ANKRD11: variants seen among roughly 807,000 people sequenced by gnomAD.
ANKRD11 encodes the protein ankyrin repeat domain 11.
ANKRD11 carries 17 observed loss-of-function variants against 195.7 expected under a neutral mutation model. The observed-to-expected ratio is 0.09, with a 90% CI of 0.06 to 0.13. The LOEUF is 0.13. Among genes scored for constraint, ANKRD11 ranks in the 10% least tolerant of loss-of-function variants. The pLI is 1.00. For synonymous variants in ANKRD11, 1,953 were observed against 1,528.1 expected (o/e 1.28, Z -6.49); for missense variants, 3,735 against 3,566.1 (o/e 1.05, Z -1.21).
At chr16:89,462,557 G>A (rs1427150082) in intron 1 of ANKRD11, among the ~76,000 whole-genome samples, 2 of 150,302 alleles carry the variant, frequency 1.3e-5, no homozygotes, top group African/African-American at 2.5e-5. Context: ...GAGCCCCTCT[G>A]CCTGGCTGCC....
chr16:89,326,407 C>A (rs1480843548), intron 2 of ANKRD11, among the ~76,000 whole-genome samples: 1 of 151,328 alleles, frequency 6.6e-6, no homozygotes, highest in Non-Finnish European at 1.5e-5. Flanking sequence ...AGAAGGTGCA[C>A]ACCACTCAGC....
At chr16:89,413,291 T>C (rs2042168972) in intron 2 of ANKRD11, among the ~76,000 whole-genome samples, 1 of 152,228 alleles carries the variant, frequency 6.6e-6, no homozygotes, top group Admixed American at 6.5e-5. Context: ...AATGGAAGTA[T>C]GGTGTTACCT....
At position 89,285,069 on chromosome 16, in the gene ANKRD11, A is replaced by C; in HGVS notation, c.1473T>G (p.Asp491Glu). ...CAGAGCTCCCCAGAGAGTCCCTGTC[A>C]TCCTCCCCACTCTCTGAGGACTCGC... is the stretch of plus-strand genomic sequence containing the variant. Reference protein sequence around the residue: ...SESESSESGEDDRDSLGSSGC... With the variant: ...SESESSESGEEDRDSLGSSGC... The change falls in exon 9 of 13, where the codon GAT becomes GAG. Residue 491 changes from aspartate to glutamate, a missense_variant. By Grantham distance (45) the Asp-to-Glu change is conservative (BLOSUM62 2). Coordinates refer to ENST00000301030, the MANE Select transcript of ANKRD11 (RefSeq NM_013275.6). This position sits in a 1 kb window ranked among gnomAD's most constrained non-coding sequence, Gnocchi z 5.6. 2 of 1,613,822 alleles carry C rather than the reference A, an allele frequency of 1.2e-6. No individual in the cohort carries two copies. Among genetic ancestry groups the C allele is most frequent in the South Asian group, 2.2e-5 (2 of 91,084 alleles).
intron 2 of ANKRD11, among the ~76,000 whole-genome samples, chr16:89,361,844 CAA>C (rs559407301): frequency 6.6e-6 from 1 of 151,912 alleles, no homozygotes; most frequent in African/African-American, 2.4e-5. Context: ...ACAAAACAAA[CAA>C]AAAAAATCCG....
At chr16:89,286,611 A>G (rs982644407) in intron 7 of ANKRD11, 6 of 1,156,700 alleles carry the variant, frequency 5.2e-6, no homozygotes, top group African/African-American at 1.6e-5. Context: ...TAGGGAGAAG[A>G]GTGTTATGGA....
At chr16:89,402,009 G>A (rs2041712909) in intron 2 of ANKRD11, among the ~76,000 whole-genome samples, 1 of 151,228 alleles carries the variant, frequency 6.6e-6, no homozygotes, top group Non-Finnish European at 1.5e-5. Flanking sequence ...AGCCGTGGGA[G>A]AACAGATCCT....
intron 7 of ANKRD11, 194 bp downstream of exon 7, chr16:89,288,334 G>T: frequency 1.2e-6 from 1 of 860,576 alleles, no homozygotes; most frequent in Non-Finnish European, 1.9e-6. Context: ...CCTGTGAGAG[G>T]CCGTCCAGGC....
chr16:89,398,725 CAG>C (rs1242166841), intron 2 of ANKRD11, among the ~76,000 whole-genome samples: 1 of 151,798 alleles, frequency 6.6e-6, no homozygotes, highest in African/African-American at 2.4e-5. Context: ...GCCTCAGTGA[CAG>C]AGAGAGATTG....
Position 89,284,350 on chromosome 16 carries a change from G to A in ANKRD11, c.2192C>T (p.Ser731Phe). The A allele has an allele frequency of 6.2e-7, 1 of 1,613,802 alleles. No individual in the cohort carries two copies. The highest frequency in any genetic ancestry group is 1.1e-5 in the South Asian group (1 of 91,072). ...IKDTNKDISR[S>F]FREEKDRSNK... The stretch of plus-strand genomic sequence containing the variant: ...CGAACGGTCTTTCTCTTCTCGGAAA[G>A]ACCTGCTGATGTCTTTGTTTGTGTC... The change falls in exon 9 of 13, where the codon TCT (serine) becomes TTT (phenylalanine). Residue 731 changes from serine (S) to phenylalanine (F), a missense_variant. Coordinates refer to ENST00000301030, the MANE Select transcript of ANKRD11 (RefSeq NM_013275.6).
At chr16:89,450,530 G>A (rs1443276559) in intron 1 of ANKRD11, among the ~76,000 whole-genome samples, 1 of 152,088 alleles carries the variant, frequency 6.6e-6, no homozygotes, top group African/African-American at 2.4e-5. Flanking sequence ...TTCTAGACCC[G>A]CTTTGTTTTA....
At position 89,380,929 on chromosome 16, in the gene ANKRD11, G is replaced by A. The variant is rs373493913; in HGVS notation, c.-60+37355C>T. On this transcript the variant is annotated intron_variant, in intron 2 of 12. Transcript: ENST00000301030. Reference sequence around the variant, plus strand: ...CAGCTGAGGCAGGCAGACGGAGCACGCATCCCTGCTTCCCAGTGTGGGCCC... The same window carrying A: ...CAGCTGAGGCAGGCAGACGGAGCACACATCCCTGCTTCCCAGTGTGGGCCC... 2.1e-3 allele frequency among the ~76,000 whole-genome samples: 314 copies of A among 152,316 alleles called. 3 individuals are homozygous for A. The highest frequency in any genetic ancestry group is 6.8e-3 in the African/African-American group (283 of 41,564).
chr16:89,314,144 A>G (rs142137025), intron 3 of ANKRD11, among the ~76,000 whole-genome samples: 2,207 of 152,060 alleles, frequency 0.015, 64 homozygotes, highest in African/African-American at 0.05. Flanking sequence ...GGACTGCTTG[A>G]GCCTGGGGCA....
rs758378781 is a variant in ANKRD11, at chr16:89,284,829, C to T, written c.1713G>A (p.Thr571=). ...AGTAGTCAGACTCGCTTGTCAGTCT[C>T]GTCCTTGTGGAGTCTGATAAAGAAC... ...EVSSLSDSTR[T]RLTSESDYSS... Residue 571 remains threonine, a synonymous_variant, in exon 9 of 13, where the codon ACG becomes ACA. Transcript: ENST00000301030. 4.0e-5 allele frequency: 65 copies of T among 1,613,946 alleles called. No homozygotes were observed. In the Middle Eastern group the frequency reaches 8.5e-4, roughly 21 times the overall value.
At chr16:89,276,385 C>T (rs751569336) in intron 9 of ANKRD11, among the ~76,000 whole-genome samples, 2 of 152,160 alleles carry the variant, frequency 1.3e-5, no homozygotes, top group Non-Finnish European at 2.9e-5. Context: ...GCAGTCTCCA[C>T]GTCTCTTCCA....
chr16:89,276,843 G>A (rs1468820770), intron 9 of ANKRD11, among the ~76,000 whole-genome samples: 1 of 152,062 alleles, frequency 6.6e-6, no homozygotes, highest in African/African-American at 2.4e-5. Flanking sequence ...GGATCACAAG[G>A]TCAGGAGTTT....
Position 89,274,766 on chromosome 16 carries a change from G to A in ANKRD11, c.7713+48C>T, listed in dbSNP as rs748520500. ...CTATCAAGGGGAGGGGAGGCGGGCA[G>A]GGTGCAGGCACTTGGACTCATGGGC... On this transcript the variant is annotated intron_variant, in intron 11 of 12. Transcript: ENST00000301030. The A allele has an allele frequency of 1.7e-5, 27 of 1,602,558 alleles. No individual in the cohort carries two copies. The East Asian group carries it at 5.8e-4, about 34-fold the overall frequency.
intron 1 of ANKRD11, among the ~76,000 whole-genome samples, chr16:89,489,397 C>T (rs1257391089): frequency 6.9e-6 from 1 of 144,244 alleles, no homozygotes; most frequent in Non-Finnish European, 1.5e-5. Context: ...CTCCCAGCCA[C>T]CCCCCACACC....
intron 1 of ANKRD11, among the ~76,000 whole-genome samples, chr16:89,469,591 G>A (rs560061853): frequency 3.3e-5 from 5 of 151,688 alleles, no homozygotes; most frequent in African/African-American, 9.7e-5. Flanking sequence ...GAGATAAAAC[G>A]TACGCAAATA....
chr16:89,301,691 C>T, intron 4 of ANKRD11: 4 of 398,710 alleles, frequency 1.0e-5, no homozygotes, highest in Non-Finnish European at 1.8e-5. Context: ...GGACAGCCTC[C>T]AGGCTGCTGT....
Sources: gnomAD v4.1 joint callset for allele counts (sites outside exome capture counted in the v4.1 genomes callset) on GRCh38, gnomAD v4.1.1 for gene constraint, Gnocchi (gnomAD v3.1) non-coding constraint, MANE v1.5 for transcripts, NCBI Gene and HGNC (gene_info 2026-07-23, HGNC 2026-07-21) for gene names.